Variants in CDH18 observed in about 807,000 individuals in gnomAD.
CDH18 encodes cadherin-18.
CDH18 carries 31 observed loss-of-function variants against 67.9 expected under a neutral mutation model. The observed-to-expected ratio is 0.46, with a 90% CI of 0.34 to 0.62. The LOEUF is 0.62. Ranked by LOEUF, CDH18 falls within the 20% of genes least tolerant of loss-of-function variation. The pLI is 0.01. For synonymous variants in CDH18, 362 were observed against 347.2 expected (o/e 1.04, Z -0.48); for missense variants, 890 against 975.5 (o/e 0.91, Z 1.17).
chr5:19,863,955 T>C (rs1785179239), intron 2 of CDH18, among the ~76,000 whole-genome samples: 2 of 151,976 alleles, frequency 1.3e-5, no homozygotes. Context: ...TCAACCATTG[T>C]GGAAGTCAGT....
intron 1 of CDH18, among the ~76,000 whole-genome samples, chr5:20,465,599 T>A (rs994410726): frequency 2.6e-4 from 39 of 152,052 alleles, no homozygotes; most frequent in Non-Finnish European, 5.3e-4. Context: ...TTAGTATGAT[T>A]TATAGAAATA....
chr5:19,982,815 C>T (rs13175026), intron 1 of CDH18, among the ~76,000 whole-genome samples: 64,809 of 151,806 alleles, frequency 0.43, 16,129 homozygotes, highest in Middle Eastern at 0.64. Context: ...GAGGCCAAGG[C>T]GTGTGGATCA....
chr5:19,905,074 G>T (rs976583237), intron 2 of CDH18, among the ~76,000 whole-genome samples: 2 of 152,134 alleles, frequency 1.3e-5, no homozygotes, highest in African/African-American at 4.8e-5. Flanking sequence ...CTTCTGAAAG[G>T]TGGGGCTAGA....
chr5:19,544,002 G>A lies in CDH18; in HGVS notation c.1257C>T (p.Tyr419=). 2.6e-6 allele frequency: 4 copies of A among 1,539,168 alleles called. No homozygotes were observed. The highest frequency in any genetic ancestry group is 2.5e-5 in the South Asian group (2 of 80,322). Residue 419 remains tyrosine, a synonymous_variant, in exon 9 of 13, where the codon TAC becomes TAT. Transcript: ENST00000382275. ...CGTCTTCAACATTGTAGTTGATGAA[G>A]TATCTAGAGAAAAAAAGAGAAGTTT... ...DPDSTNSLVR[Y]FINYNVEDDR... is the part of the protein sequence containing the mutation.
chr5:19,661,364 G>A (rs1183920546), intron 5 of CDH18, among the ~76,000 whole-genome samples: 1 of 151,814 alleles, frequency 6.6e-6, no homozygotes, highest in Non-Finnish European at 1.5e-5. Context: ...TGATAGTAAT[G>A]TACTGGTGAT....
At chr5:19,962,988 T>C (rs1797071297) in intron 2 of CDH18, among the ~76,000 whole-genome samples, 1 of 152,126 alleles carries the variant, frequency 6.6e-6, no homozygotes, top group Non-Finnish European at 1.5e-5. Flanking sequence ...GTATTTTCTT[T>C]GTATTTGATT....
intron 10 of CDH18, among the ~76,000 whole-genome samples, chr5:19,505,384 C>T (rs1035078284): frequency 6.6e-6 from 1 of 152,112 alleles, no homozygotes; most frequent in African/African-American, 2.4e-5. Flanking sequence ...AAGGGCATCC[C>T]TGTCTTGTGC....
At chr5:20,251,971 C>A (rs1743892122) in intron 2 of CDH18, among the ~76,000 whole-genome samples, 2 of 152,048 alleles carry the variant, frequency 1.3e-5, no homozygotes, top group South Asian at 4.1e-4. Flanking sequence ...ATGAAGTGTA[C>A]TTTACACAAA....
intron 3 of CDH18, among the ~76,000 whole-genome samples, chr5:19,830,699 G>A (rs1357003124): frequency 6.6e-6 from 1 of 152,002 alleles, no homozygotes; most frequent in African/African-American, 2.4e-5. Flanking sequence ...ATGCCCAAAG[G>A]AATATAAATC....
intron 1 of CDH18, among the ~76,000 whole-genome samples, chr5:20,373,867 T>A (rs1232170533): frequency 6.6e-6 from 1 of 152,118 alleles, no homozygotes; most frequent in Non-Finnish European, 1.5e-5. Flanking sequence ...CATCCCTATG[T>A]ATATACCAAA....
chr5:19,775,545 G>A lies in CDH18; in HGVS notation c.229-28309C>T, dbSNP rs545708382. ...AGCAGGAGCGAGAGAAAGACAGTGGGGGGGAGATGCCACACACTTTTAAAT... is the reference window on the plus strand; with the variant it reads ...AGCAGGAGCGAGAGAAAGACAGTGGAGGGGAGATGCCACACACTTTTAAAT... On this transcript the variant is annotated intron_variant, in intron 3 of 12. Transcript: ENST00000382275. Among the ~76,000 whole-genome samples the A allele has an allele frequency of 6.6e-5, 10 of 152,124 alleles. No individual in the cohort carries two copies. In the East Asian group the frequency reaches 1.4e-3, roughly 21 times the overall value.
At chr5:19,550,597 C>A (rs1737246138) in intron 8 of CDH18, among the ~76,000 whole-genome samples, 1 of 152,196 alleles carries the variant, frequency 6.6e-6, no homozygotes, top group African/African-American at 2.4e-5. Flanking sequence ...ATGAATTCAT[C>A]ATTTTTTATG....
chr5:19,857,375 G>A (rs963932287), intron 2 of CDH18, among the ~76,000 whole-genome samples: 11 of 152,152 alleles, frequency 7.2e-5, no homozygotes, highest in Non-Finnish European at 1.2e-4. Flanking sequence ...CGTGACCATA[G>A]GCTAGTAAAT....
chr5:20,500,533 G>T lies in CDH18; in HGVS notation c.-580+74929C>A, dbSNP rs542763746. Among the ~76,000 whole-genome samples the T allele has an allele frequency of 9.2e-5, 14 of 152,278 alleles. No homozygotes were observed. In the South Asian group the frequency reaches 2.7e-3, roughly 29 times the overall value. ...TGAACATCTGGGAACAGGTATAATG[G>T]CCTTCATCTGGTATTGGGAGTAAAC... On this transcript the variant is annotated intron_variant, in intron 1 of 14. Transcript: ENST00000507958.
intron 1 of CDH18, among the ~76,000 whole-genome samples, chr5:20,273,418 A>G (rs116144287): frequency 6.6e-6 from 1 of 151,998 alleles, no homozygotes; most frequent in African/African-American, 2.4e-5. Flanking sequence ...ATGGAAAAAT[A>G]AATTTGACTC....
intron 2 of CDH18, among the ~76,000 whole-genome samples, chr5:20,213,968 A>C (rs904513557): frequency 6.6e-6 from 1 of 151,930 alleles, no homozygotes; most frequent in South Asian, 2.1e-4. Context: ...ATATCTAGAA[A>C]ACCTCACAGA....
chr5:19,626,837 C>T (rs1751629407), intron 5 of CDH18, among the ~76,000 whole-genome samples: 2 of 152,228 alleles, frequency 1.3e-5, no homozygotes, highest in South Asian at 2.1e-4. Flanking sequence ...CTGGAATTAG[C>T]TAGTTCTGGG....
intron 2 of CDH18, among the ~76,000 whole-genome samples, chr5:20,229,198 G>T (rs952481984): frequency 6.6e-6 from 1 of 152,126 alleles, no homozygotes; most frequent in Middle Eastern, 3.4e-3. Flanking sequence ...TCAGATTGTT[G>T]ATTTAAAAGC....
chr5:19,868,255 C>T (rs965270285), intron 2 of CDH18, among the ~76,000 whole-genome samples: 1 of 152,078 alleles, frequency 6.6e-6, no homozygotes, highest in African/African-American at 2.4e-5. Context: ...CTCTATCCCT[C>T]TCCCAATTTC....
Sources: gnomAD v4.1 joint callset for allele counts (sites outside exome capture counted in the v4.1 genomes callset) on GRCh38, gnomAD v4.1.1 for gene constraint, MANE v1.5 for transcripts, NCBI Gene and HGNC (gene_info 2026-07-23, HGNC 2026-07-21) for gene names.